BTBD16: variants seen among roughly 807,000 people sequenced by gnomAD.
The protein encoded by BTBD16 is BTB domain containing 16, also known as BTB/POZ domain-containing protein 16.
A neutral mutation model predicts 67.4 loss-of-function variants in BTBD16; 66 were observed. The observed-to-expected ratio is 0.98, with a 90% CI of 0.80 to 1.20. BTBD16 has a LOEUF of 1.20. BTBD16 is among the 50% of genes most tolerant of loss of function. The probability of loss-of-function intolerance (pLI) is 0.00; values close to 1 mark genes in which losing one functional copy is unlikely to be tolerated. For missense variants in BTBD16, 634 were observed against 616.0 expected, an observed-to-expected ratio of 1.03 and a Z score of -0.31; for synonymous variants, 242 against 236.4, an observed-to-expected ratio of 1.02 and a Z score of -0.22.
At chr10:122,279,086 T>C (rs1011497584) in intron 3 of BTBD16, among the ~76,000 whole-genome samples, 1 of 152,172 alleles carries the variant, frequency 6.6e-6, no homozygotes, top group African/African-American at 2.4e-5. Context: ...AGAGAAACTT[T>C]GCAGTATGGA....
intron 11 of BTBD16, 136 bp from the exon 12 acceptor site, chr10:122,331,040 C>T (rs567319594): frequency 1.8e-6 from 2 of 1,135,260 alleles, no homozygotes; most frequent in South Asian, 3.9e-5. Context: ...CTTTGTCAAT[C>T]AAACCTTAAA....
intron 1 of BTBD16, among the ~76,000 whole-genome samples, chr10:122,272,678 T>TAC (rs112265160): frequency 0.082 from 12,127 of 147,630 alleles, 504 homozygotes; most frequent in African/African-American, 0.099. Context: ...GCAAAGGAAA[T>TAC]ACACACACAC....
chr10:122,303,936 T>C (rs2096398722), intron 9 of BTBD16, among the ~76,000 whole-genome samples: 1 of 152,216 alleles, frequency 6.6e-6, no homozygotes, highest in Non-Finnish European at 1.5e-5. Flanking sequence ...TTAATAATTA[T>C]GCTTCATAAA....
chr10:122,276,831 A>G lies in BTBD16; in HGVS notation c.59A>G (p.Asn20Ser), dbSNP rs201541214. The G allele has an allele frequency of 1.1e-4, 184 of 1,614,244 alleles. 1 individual carries two copies. The Middle Eastern group carries it at 1.5e-3, about 13-fold the overall frequency. Reference sequence around the variant, plus strand: ...GAACGCCGGGTCACTGGCTCAACCAACCGGTGGCGTTTGCCCAAACAGCCT... The same window carrying G: ...GAACGCCGGGTCACTGGCTCAACCAGCCGGTGGCGTTTGCCCAAACAGCCT... Reference protein sequence around the residue: ...RLERRVTGSTNRWRLPKQPFS... With the variant: ...RLERRVTGSTSRWRLPKQPFS... Residue 20 changes from asparagine to serine, a missense_variant, in exon 3 of 16, where the codon AAC becomes AGC. Asn to Ser is a conservative substitution (Grantham distance 46). Transcript: ENST00000260723.
At chr10:122,307,054 C>A in intron 9 of BTBD16, 135 bp from the exon 10 acceptor site, 1 of 990,034 alleles carries the variant, frequency 1.0e-6, no homozygotes, top group East Asian at 2.7e-5. Flanking sequence ...TGTTTACCTG[C>A]TTGATGTCTG....
chr10:122,281,019 C>G (rs1164104741), intron 3 of BTBD16, among the ~76,000 whole-genome samples: 1 of 152,108 alleles, frequency 6.6e-6, no homozygotes, highest in Admixed American at 6.5e-5. Context: ...GTTGCCCAGG[C>G]TGGTCTCAAA....
At position 122,336,640 on chromosome 10, in the gene BTBD16, C is replaced by T; in HGVS notation, c.1410C>T (p.Ile470=). ...GGCAGGAGTTCAGGACAAACCAGAT[C>T]AAGCAGAAGTTTGGGTTGACCACGT... ...GKWQEFRTNQ[I]KQKFGLTTSS... The change falls in exon 15 of 16, where the codon ATC becomes ATT. Residue 470 remains isoleucine (I), a synonymous_variant. Coordinates refer to ENST00000260723, the MANE Select transcript of BTBD16 (RefSeq NM_144587.5). The T allele has an allele frequency of 6.2e-7, 1 of 1,605,558 alleles. No homozygotes were observed. Among genetic ancestry groups the T allele is most frequent in the African/African-American group, 1.3e-5 (1 of 74,390 alleles).
chr10:122,282,966 T>G lies in BTBD16; in HGVS notation c.168-885T>G, dbSNP rs145047168. Among the ~76,000 whole-genome samples, 595 of 152,160 alleles carry G rather than the reference T, an allele frequency of 3.9e-3. 7 individuals are homozygous for G. The highest frequency in any genetic ancestry group is 0.013 in the African/African-American group (535 of 41,506). ...GAGAGGGAGCAGTGCATGCAAGAGA[T>G]GAAAGCAGCAGTTGGCAGGTCCAGG... On this transcript the variant is annotated intron_variant, in intron 3 of 15. Coordinates refer to ENST00000260723, the MANE Select transcript of BTBD16 (RefSeq NM_144587.5).
At position 122,324,931 on chromosome 10, in the gene BTBD16, A is replaced by T. The variant is rs566001809; in HGVS notation, c.912-4549A>T. Among the ~76,000 whole-genome samples, 142 of 152,344 alleles carry T rather than the reference A, an allele frequency of 9.3e-4. 1 individual carries two copies. Among genetic ancestry groups the T allele is most frequent in the South Asian group, 2.1e-3 (10 of 4,832 alleles). On this transcript the variant is annotated intron_variant, in intron 10 of 15. Coordinates refer to ENST00000260723, the MANE Select transcript of BTBD16 (RefSeq NM_144587.5). ...AAGAGTCTGGGTGTAGGAGTTTCTT[A>T]AAAAGGGCAGCTGTGGTTATGATTA...
chr10:122,336,724 C>T (rs747912731), intron 15 of BTBD16, 42 bp downstream of exon 15: 2 of 1,505,162 alleles, frequency 1.3e-6, no homozygotes, highest in South Asian at 2.7e-5. Context: ...CCTTTTTGCT[C>T]TTTCTCTCCC....
intron 10 of BTBD16, among the ~76,000 whole-genome samples, chr10:122,326,118 AT>A (rs1238642586): frequency 1.3e-5 from 2 of 152,160 alleles, no homozygotes; most frequent in Admixed American, 1.3e-4. Flanking sequence ...TTGTCTTAAA[AT>A]TTAATATGTT....
intron 3 of BTBD16, among the ~76,000 whole-genome samples, chr10:122,282,412 C>T (rs992613402): frequency 6.6e-6 from 1 of 152,200 alleles, no homozygotes; most frequent in Non-Finnish European, 1.5e-5. Flanking sequence ...TTGGAAAGGG[C>T]AGCACGTAGT....
intron 10 of BTBD16, among the ~76,000 whole-genome samples, chr10:122,313,271 GT>G (rs1184061682): frequency 4.0e-4 from 36 of 89,772 alleles, no homozygotes; most frequent in African/African-American, 7.9e-4. Flanking sequence ...TTTTTTTTTT[GT>G]TTTTTTTTTT....
chr10:122,288,832 G>A (rs932713611), intron 5 of BTBD16, among the ~76,000 whole-genome samples: 12 of 152,204 alleles, frequency 7.9e-5, no homozygotes, highest in Admixed American at 4.6e-4. Flanking sequence ...ACACCATCCC[G>A]AGGAGCATGC....
At chr10:122,293,802 A>G (rs2096378291) in intron 7 of BTBD16, among the ~76,000 whole-genome samples, 1 of 152,220 alleles carries the variant, frequency 6.6e-6, no homozygotes, top group South Asian at 2.1e-4. Context: ...TCTGACCTGA[A>G]TGCTGGCAGG....
intron 12 of BTBD16, 96 bp from the exon 13 acceptor site, chr10:122,332,340 A>AT (rs1554894231): frequency 2.2e-5 from 24 of 1,073,670 alleles, no homozygotes; most frequent in Non-Finnish European, 3.2e-5. Context: ...AAACCTGGTG[A>AT]GGGGGGCAGG....
chr10:122,280,774 C>T lies in BTBD16; in HGVS notation c.168-3077C>T, dbSNP rs1043303838. Among the ~76,000 whole-genome samples the T allele has an allele frequency of 4.6e-5, 7 of 151,940 alleles. No individual in the cohort carries two copies. The South Asian group carries it at 8.3e-4, about 18-fold the overall frequency. ...GCAATACCAGTGCCACTGTAAACTACGTGTATATTCAGGGATGTAAAGGAA... is the reference window on the plus strand; with the variant it reads ...GCAATACCAGTGCCACTGTAAACTATGTGTATATTCAGGGATGTAAAGGAA... On this transcript the variant is annotated intron_variant, in intron 3 of 15. Coordinates refer to ENST00000260723, the MANE Select transcript of BTBD16 (RefSeq NM_144587.5).
chr10:122,301,248 A>C (rs528446181), intron 9 of BTBD16, among the ~76,000 whole-genome samples: 1 of 152,366 alleles, frequency 6.6e-6, no homozygotes, highest in South Asian at 2.1e-4. Flanking sequence ...CCCTGGCAGC[A>C]TTAACCAAGA....
At chr10:122,305,365 G>C (rs2096401867) in intron 9 of BTBD16, among the ~76,000 whole-genome samples, 1 of 152,172 alleles carries the variant, frequency 6.6e-6, no homozygotes, top group Admixed American at 6.5e-5. Flanking sequence ...GAGGTGATTG[G>C]ATCATGGTGG....
Sources: gnomAD v4.1 joint callset for allele counts (sites outside exome capture counted in the v4.1 genomes callset) on GRCh38, gnomAD v4.1.1 for gene constraint, MANE v1.5 for transcripts, NCBI Gene and HGNC (gene_info 2026-07-23, HGNC 2026-07-21) for gene names.